Variants in ARHGEF38 observed in about 807,000 individuals in gnomAD.
The protein encoded by ARHGEF38 is Rho guanine nucleotide exchange factor (GEF) 38.
A neutral mutation model predicts 79.9 loss-of-function variants in ARHGEF38; 79 were observed. That is an observed-to-expected ratio of 0.99 (90% CI 0.82 to 1.19). ARHGEF38 has a LOEUF of 1.19. ARHGEF38 is among the 50% of genes most tolerant of loss of function. ARHGEF38 has a pLI of 0.00. For synonymous variants in ARHGEF38, 366 were observed against 328.3 expected, an observed-to-expected ratio of 1.11 and a Z score of -1.24; for missense variants, 962 against 907.2, an observed-to-expected ratio of 1.06 and a Z score of -0.78.
chr4:105,666,930 T>C (rs1387157913), intron 11 of ARHGEF38, among the ~76,000 whole-genome samples, 199 bp from the exon 12 acceptor site: 1 of 152,182 alleles, frequency 6.6e-6, no homozygotes, highest in Non-Finnish European at 1.5e-5. Flanking sequence ...CTCCTGTGCT[T>C]ACTAGAAACA....
Position 105,667,662 on chromosome 4 carries a change from AATGGTACTG to A in ARHGEF38, c.2111_2119del (p.Gly704_Asp706del). ...TGGCACATGTGGAAAGTTTGAAACA[AATGGTACTG>A]ATGTTGACAGTTTTCAAGAAGTAGA... On this transcript the variant is annotated inframe_deletion, in exon 13 of 14. Coordinates refer to ENST00000420470, the MANE Select transcript of ARHGEF38 (RefSeq NM_001242729.2). 6.5e-7 allele frequency: 1 copy of A among 1,536,400 alleles called. No individual in the cohort carries two copies. Among genetic ancestry groups the A allele is most frequent in the Non-Finnish European group, 8.7e-7 (1 of 1,146,974 alleles).
Position 105,679,445 on chromosome 4 carries a change from T to C in ARHGEF38, c.*1508T>C. 1 of 1,590,004 alleles carries C rather than the reference T, an allele frequency of 6.3e-7. No homozygotes were observed. The highest frequency in any genetic ancestry group is 1.1e-5 in the South Asian group (1 of 90,510). On this transcript the variant is annotated 3_prime_UTR_variant, in exon 14 of 14. Transcript: ENST00000420470. ...TCCAAGCACAGCTGACATCCTGTAT[T>C]TCCTCTAGGCTTTCCAGAGTCATGG...
At chr4:105,645,457 G>T in intron 6 of ARHGEF38, 70 bp downstream of exon 6, 1 of 1,284,140 alleles carries the variant, frequency 7.8e-7, no homozygotes, top group Non-Finnish European at 1.0e-6. Context: ...CTGAGAATCA[G>T]AATGTTTAAG....
In ARHGEF38 at chr4:105,679,962, C is replaced by T; in HGVS notation, c.*2025C>T. The T allele has an allele frequency of 2.2e-6, 3 of 1,341,376 alleles. No individual in the cohort carries two copies. Among genetic ancestry groups the T allele is most frequent in the Non-Finnish European group, 3.2e-6 (3 of 936,814 alleles). 83.1% of individuals were successfully genotyped at this position (1,341,376 alleles called of 1,614,324 possible). ...CTTTTAGTGTAATTTCTCTTTGTGA[C>T]TGTGCAATGTCCCCATGTAAACACA... On this transcript the variant is annotated 3_prime_UTR_variant, in exon 14 of 14. Transcript: ENST00000420470.
At position 105,552,760 on chromosome 4, in the gene ARHGEF38, C is replaced by A; in HGVS notation, c.-6C>A. On this transcript the variant is annotated 5_prime_UTR_variant, in exon 1 of 14. Coordinates refer to ENST00000420470, the MANE Select transcript of ARHGEF38 (RefSeq NM_001242729.2). ...TGCAAGCCTCCAAAGCTTGTCTTTG[C>A]CTAATATGGAGCCCAAAGAAGCCAC... 1.2e-6 allele frequency: 2 copies of A among 1,603,696 alleles called. No homozygotes were observed. Among genetic ancestry groups the A allele is most frequent in the Non-Finnish European group, 8.5e-7 (1 of 1,175,860 alleles).
At chr4:105,668,354 G>A (rs534495534) in intron 13 of ARHGEF38, among the ~76,000 whole-genome samples, 1 of 151,782 alleles carries the variant, frequency 6.6e-6, no homozygotes, top group African/African-American at 2.4e-5. Context: ...GCTAATTTTT[G>A]TATTTTTAGT....
At chr4:105,612,926 G>A (rs1305305399) in intron 2 of ARHGEF38, among the ~76,000 whole-genome samples, 1 of 151,844 alleles carries the variant, frequency 6.6e-6, no homozygotes, top group Admixed American at 6.6e-5. Context: ...GAAAAAAAAA[G>A]GAAAAAGCAA....
rs1560684594 is a variant in ARHGEF38 at position 105,561,474 on chromosome 4, A to AGAATG, written c.196+8517_196+8518insGGAAT. 337 of 50,708 alleles carry AGAATG rather than the reference A, an allele frequency of 6.6e-3. 8 individuals carry two copies. Among genetic ancestry groups the AGAATG allele is most frequent in the Middle Eastern group, 0.024 (2 of 82 alleles). The allele number at this position is 50,708 out of a possible 1,614,324, so 3.1% of individuals were successfully genotyped here. A position where few individuals can be genotyped will look rare whatever the true frequency, so the allele number is the denominator to read the frequency against. On this transcript the variant is annotated intron_variant, in intron 1 of 13. Transcript: ENST00000420470. ...GGAATAGAATAGAATAGAATAGAATAGAATAGAATAGAATAGAATAGAATA... is the reference window on the plus strand; with the variant it reads ...GGAATAGAATAGAATAGAATAGAATAGAATGGAATAGAATAGAATAGAATAGAATA...
At chr4:105,624,410 A>C (rs919311665) in intron 3 of ARHGEF38, among the ~76,000 whole-genome samples, 1 of 152,070 alleles carries the variant, frequency 6.6e-6, no homozygotes, top group African/African-American at 2.4e-5. Flanking sequence ...TTTTTCTTCA[A>C]ATTTCTTAAT....
At chr4:105,658,927 TG>T (rs1730447458) in intron 9 of ARHGEF38, 126 bp from the exon 10 acceptor site, 1 of 761,520 alleles carries the variant, frequency 1.3e-6, no homozygotes, top group Non-Finnish European at 2.1e-6. Flanking sequence ...TCTTTTAATC[TG>T]GGTAGGTGCT....
intron 13 of ARHGEF38, among the ~76,000 whole-genome samples, chr4:105,675,332 A>G (rs1731082893): frequency 6.6e-6 from 1 of 152,198 alleles, no homozygotes; most frequent in African/African-American, 2.4e-5. Flanking sequence ...TTGAGGACAA[A>G]GCACATTTAA....
At chr4:105,639,336 C>A (rs997459042) in intron 5 of ARHGEF38, among the ~76,000 whole-genome samples, 8 of 151,884 alleles carry the variant, frequency 5.3e-5, no homozygotes, top group African/African-American at 1.9e-4. Flanking sequence ...ACTTTTAACA[C>A]AGTTTATGGC....
At chr4:105,672,516 C>G (rs566909197) in intron 13 of ARHGEF38, among the ~76,000 whole-genome samples, 1 of 152,310 alleles carries the variant, frequency 6.6e-6, no homozygotes, top group East Asian at 1.9e-4. Flanking sequence ...AAAGCATTCA[C>G]GTAAATATGC....
chr4:105,649,937 C>A (rs908958400), intron 7 of ARHGEF38, among the ~76,000 whole-genome samples: 8 of 152,160 alleles, frequency 5.3e-5, no homozygotes, highest in African/African-American at 1.9e-4. Flanking sequence ...TGTTTGGGGG[C>A]ACATAACAAA....
At chr4:105,567,152 C>T (rs1725966605) in intron 1 of ARHGEF38, among the ~76,000 whole-genome samples, 1 of 152,188 alleles carries the variant, frequency 6.6e-6, no homozygotes, top group Non-Finnish European at 1.5e-5. Flanking sequence ...TTTCACTTAA[C>T]ATAATGGCCT....
chr4:105,667,103 C>T (rs747760369), intron 11 of ARHGEF38, 26 bp from the exon 12 acceptor site: 14 of 1,520,586 alleles, frequency 9.2e-6, no homozygotes, highest in Middle Eastern at 3.4e-4. Context: ...TCTGTCTAAA[C>T]CAAAACTTCT....
At chr4:105,575,786 T>A (rs577150197) in intron 1 of ARHGEF38, among the ~76,000 whole-genome samples, 44 of 152,288 alleles carry the variant, frequency 2.9e-4, no homozygotes, top group Admixed American at 1.4e-3. Flanking sequence ...CTTTCAGCCC[T>A]AGACTTAAGT....
In ARHGEF38 at chr4:105,594,267, A is replaced by G. The variant is rs139725677; in HGVS notation, c.384+4832A>G. ...GGTAGTTAGTTGACACCACCAGTTC[A>G]TTCAGTTCACTACCTTTTCAATGTT... On this transcript the variant is annotated intron_variant, in intron 2 of 13. Transcript: ENST00000420470. Among the ~76,000 whole-genome samples, 741 of 152,298 alleles carry G rather than the reference A, an allele frequency of 4.9e-3. 8 individuals are homozygous for G. The highest frequency in any genetic ancestry group is 0.016 in the African/African-American group (683 of 41,566).
At chr4:105,567,671 T>C (rs1290980744) in intron 1 of ARHGEF38, among the ~76,000 whole-genome samples, 1 of 152,200 alleles carries the variant, frequency 6.6e-6, no homozygotes, top group Non-Finnish European at 1.5e-5. Flanking sequence ...CATATCTTGA[T>C]GGTAAGAGCT....
Sources: gnomAD v4.1 joint callset for allele counts (sites outside exome capture counted in the v4.1 genomes callset) on GRCh38, gnomAD v4.1.1 for gene constraint, MANE v1.5 for transcripts, NCBI Gene and HGNC (gene_info 2026-07-23, HGNC 2026-07-21) for gene names.